The following ARID5B variants were observed in gnomAD, a reference collection of about 807,000 sequenced individuals.
The protein encoded by ARID5B is AT-rich interaction domain 5B.
ARID5B carries 13 observed loss-of-function variants against 97.2 expected under a neutral mutation model. That is an observed-to-expected ratio of 0.13 (90% CI 0.09 to 0.21). The LOEUF is 0.21. ARID5B is among the 10% of genes least tolerant of loss of function. The pLI is 1.00. For synonymous variants in ARID5B, 556 were observed against 570.3 expected (o/e 0.97, Z 0.36); for missense variants, 1,210 against 1,465.3 (o/e 0.83, Z 2.84).
At chr10:62,002,801 C>T (rs1839097358) in intron 4 of ARID5B, among the ~76,000 whole-genome samples, 14 of 152,158 alleles carry the variant, frequency 9.2e-5, no homozygotes, top group Admixed American at 7.9e-4. Flanking sequence ...TGTCAGATTA[C>T]CGAGAGTGCC....
intron 3 of ARID5B, among the ~76,000 whole-genome samples, chr10:61,963,659 GCT>G (rs1430972541): frequency 2.0e-5 from 3 of 151,882 alleles, no homozygotes; most frequent in Admixed American, 2.0e-4. Context: ...CCCACAGAAA[GCT>G]CCATGGAAAA....
intron 3 of ARID5B, among the ~76,000 whole-genome samples, chr10:61,972,225 CTTTTTT>C (rs71022106): frequency 8.9e-6 from 1 of 112,708 alleles, no homozygotes; most frequent in African/African-American, 3.4e-5. Context: ...TTATATCATG[CTTTTTT>C]TTTTTTTTTT....
chr10:62,093,906 G>T lies in ARID5B; in HGVS notation c.*876G>T, dbSNP rs1043479342. Reference sequence around the variant, plus strand: ...GCAAAGAACGTTCCTTTGTAGATCCGCAACTTAAGGATTTTGTTCCTCATA... The same window carrying T: ...GCAAAGAACGTTCCTTTGTAGATCCTCAACTTAAGGATTTTGTTCCTCATA... On this transcript the variant is annotated 3_prime_UTR_variant, in exon 10 of 10. Transcript: ENST00000279873. 13 of 233,450 alleles carry T rather than the reference G, an allele frequency of 5.6e-5. No homozygotes were observed. Among genetic ancestry groups the T allele is most frequent in the Admixed American group, 1.1e-4 (2 of 17,776 alleles). The allele number at this position is 233,450 out of a possible 1,614,324, so 14.5% of individuals were successfully genotyped here.
At chr10:61,950,900 A>G (rs753040215) in intron 3 of ARID5B, among the ~76,000 whole-genome samples, 23 of 152,306 alleles carry the variant, frequency 1.5e-4, no homozygotes, top group Non-Finnish European at 2.6e-4. Context: ...AACACAAAGC[A>G]GATATATCCT....
At chr10:61,933,961 A>G (rs1279573785) in intron 2 of ARID5B, among the ~76,000 whole-genome samples, 1 of 152,190 alleles carries the variant, frequency 6.6e-6, no homozygotes, top group Non-Finnish European at 1.5e-5. Context: ...TTTTTGCCCA[A>G]TATAAGGCTG....
In ARID5B at chr10:61,949,016, A is replaced by G. The variant is rs192678095; in HGVS notation, c.502+8608A>G. On this transcript the variant is annotated intron_variant, in intron 3 of 9. Transcript: ENST00000279873. ...TAGTATCTAATGAACATCGTTGTTA[A>G]TATGGCAGCTACTGTGGCTCAATAT... Among the ~76,000 whole-genome samples the G allele has an allele frequency of 8.0e-4, 122 of 152,316 alleles. 4 individuals carry two copies. The East Asian group carries it at 0.02, about 25-fold the overall frequency.
Position 62,086,616 on chromosome 10 carries a change from G to A in ARID5B, c.1398+716G>A, listed in dbSNP as rs1840284224. Among the ~76,000 whole-genome samples the A allele has an allele frequency of 2.7e-5, 4 of 148,278 alleles. No individual in the cohort carries two copies. In the South Asian group the frequency reaches 8.7e-4, roughly 32 times the overall value. ...CTTGGGAGGCCAAGGCAGGAGAATG[G>A]CATGAACCTGGGAGGCAGAGCTTGC... On this transcript the variant is annotated intron_variant, in intron 9 of 9. Transcript: ENST00000279873.
chr10:61,999,162 C>G (rs374096876), intron 3 of ARID5B, among the ~76,000 whole-genome samples: 1 of 152,164 alleles, frequency 6.6e-6, no homozygotes, highest in African/African-American at 2.4e-5. Flanking sequence ...AAAAGGAGAA[C>G]AGGAAATAGT....
At chr10:62,047,692 A>G (rs1839727668) in intron 4 of ARID5B, among the ~76,000 whole-genome samples, 1 of 152,156 alleles carries the variant, frequency 6.6e-6, no homozygotes. Flanking sequence ...GAGTGAATTA[A>G]AGTCCGCAGA....
chr10:62,012,395 G>A (rs532273548), intron 4 of ARID5B, among the ~76,000 whole-genome samples: 49 of 152,212 alleles, frequency 3.2e-4, no homozygotes, highest in African/African-American at 1.0e-3. Flanking sequence ...GTGATGGCAC[G>A]CACCTGTAGT....
chr10:61,935,940 C>T (rs1289534846), intron 2 of ARID5B, among the ~76,000 whole-genome samples: 1 of 152,178 alleles, frequency 6.6e-6, no homozygotes, highest in African/African-American at 2.4e-5. Context: ...TATCACATGT[C>T]ACATCGTTTC....
chr10:61,978,600 G>T (rs1265573271), intron 3 of ARID5B, among the ~76,000 whole-genome samples: 1 of 152,094 alleles, frequency 6.6e-6, no homozygotes, highest in Non-Finnish European at 1.5e-5. Context: ...GTATTCCTAG[G>T]TATTTTATTC....
intron 3 of ARID5B, among the ~76,000 whole-genome samples, chr10:61,942,824 G>C (rs532313361): frequency 5.3e-5 from 8 of 152,118 alleles, no homozygotes; most frequent in Non-Finnish European, 8.8e-5. Context: ...AACAAAAAAG[G>C]CTTTTAGGTT....
At chr10:61,901,973 G>GT (rs371641779) in intron 1 of ARID5B, among the ~76,000 whole-genome samples, 186 bp from the exon 2 acceptor site, 2,371 of 131,576 alleles carry the variant, frequency 0.018, 22 homozygotes, top group Middle Eastern at 0.051. Flanking sequence ...GGGGCCCTGA[G>GT]TTTTTTTTTT....
intron 3 of ARID5B, among the ~76,000 whole-genome samples, chr10:61,979,725 C>G (rs1331199183): frequency 6.6e-6 from 1 of 152,194 alleles, no homozygotes; most frequent in Admixed American, 6.5e-5. Flanking sequence ...GCCCATAGTA[C>G]TTTTAAGGAC....
chr10:62,031,806 C>A (rs1046814735), intron 4 of ARID5B, among the ~76,000 whole-genome samples: 1 of 152,124 alleles, frequency 6.6e-6, no homozygotes, highest in Non-Finnish European at 1.5e-5. Context: ...CCCAGAGTTG[C>A]CAGATCTCTC....
At chr10:62,041,537 A>G (rs1230603006) in intron 4 of ARID5B, among the ~76,000 whole-genome samples, 6 of 152,240 alleles carry the variant, frequency 3.9e-5, no homozygotes, top group African/African-American at 1.4e-4. Flanking sequence ...GGATCTTTTT[A>G]AAAGAATTGG....
chr10:62,001,867 T>C (rs1410923273), intron 4 of ARID5B, among the ~76,000 whole-genome samples: 1 of 152,244 alleles, frequency 6.6e-6, no homozygotes, highest in African/African-American at 2.4e-5. Context: ...GTCATATTTT[T>C]AGTATTCAAA....
intron 2 of ARID5B, among the ~76,000 whole-genome samples, chr10:61,911,974 G>A (rs899304161): frequency 2.0e-5 from 3 of 152,196 alleles, no homozygotes; most frequent in African/African-American, 4.8e-5. Context: ...CTCCACCAAG[G>A]AGGGCAGCAG....
Sources: allele counts gnomAD v4.1 joint callset (sites outside exome capture counted in the v4.1 genomes callset), GRCh38; gene constraint gnomAD v4.1.1; transcripts MANE v1.5; gene names NCBI Gene and HGNC (gene_info 2026-07-23, HGNC 2026-07-21).